MICAL2: variants seen among roughly 807,000 people sequenced by gnomAD.
MICAL2 encodes the protein microtubule associated monooxygenase, calponin and LIM domain containing 2.
Under a neutral mutation model 127.3 loss-of-function variants are expected in MICAL2, and 77 were observed. The observed-to-expected ratio is 0.60, with a 90% CI of 0.50 to 0.73. The LOEUF is 0.73. Ranked by LOEUF, MICAL2 falls within the 30% of genes least tolerant of loss-of-function variation. The pLI, the probability that MICAL2 is intolerant of heterozygous loss-of-function variation, is 0.00. For missense variants in MICAL2, 1,351 were observed against 1,434.4 expected (o/e 0.94, Z 0.94); for synonymous variants, 570 against 551.1 (o/e 1.03, Z -0.48).
intron 14 of MICAL2, 112 bp downstream of exon 14, chr11:12,226,482 T>A (rs746348444): frequency 8.0e-6 from 9 of 1,125,616 alleles, no homozygotes; most frequent in Non-Finnish European, 1.1e-5. Flanking sequence ...CCCAGTGTGT[T>A]CCCCTTGACT....
chr11:12,205,683 C>T (rs185916835), intron 4 of MICAL2, among the ~76,000 whole-genome samples: 108 of 152,284 alleles, frequency 7.1e-4, no homozygotes, highest in African/African-American at 2.6e-3. Flanking sequence ...GTTTTATCTC[C>T]TGTAAAGTGT....
chr11:12,242,177 C>T, intron 18 of MICAL2, 37 bp from the exon 19 acceptor site: 2 of 1,532,182 alleles, frequency 1.3e-6, no homozygotes, highest in Non-Finnish European at 8.9e-7. Flanking sequence ...GAAAGGGCCG[C>T]AGTAGGGAAG....
intron 1 of MICAL2, among the ~76,000 whole-genome samples, chr11:12,131,911 A>G (rs1385786869): frequency 6.6e-6 from 1 of 152,222 alleles, no homozygotes; most frequent in Non-Finnish European, 1.5e-5. Flanking sequence ...GTCCAGGCTC[A>G]TAGTAAATGG....
intron 3 of MICAL2, among the ~76,000 whole-genome samples, chr11:12,172,410 G>A (rs1453688434): frequency 6.6e-6 from 1 of 152,170 alleles, no homozygotes; most frequent in Non-Finnish European, 1.5e-5. Flanking sequence ...GAAAGGAATG[G>A]GGAAGACGAT....
At chr11:12,324,770 A>C (rs1356689555) in intron 31 of MICAL2, among the ~76,000 whole-genome samples, 1 of 152,102 alleles carries the variant, frequency 6.6e-6, no homozygotes, top group Non-Finnish European at 1.5e-5. Context: ...AATCCTATAC[A>C]CTATTTCTGA....
intron 29 of MICAL2, among the ~76,000 whole-genome samples, chr11:12,306,871 C>A (rs11022286): frequency 0.18 from 27,050 of 152,110 alleles, 2,718 homozygotes; most frequent in East Asian, 0.42. Context: ...AGTTGATAGA[C>A]ATGAGATGGG....
chr11:12,244,182 C>T, intron 21 of MICAL2, 70 bp downstream of exon 21: 1 of 1,575,370 alleles, frequency 6.3e-7, no homozygotes, highest in Non-Finnish European at 8.7e-7. Flanking sequence ...CTCCACTTGA[C>T]CTGCACAAAC....
At position 12,226,943 on chromosome 11, in the gene MICAL2, A is replaced by G; in HGVS notation, c.1889-82A>G. The G allele has an allele frequency of 3.6e-6, 4 of 1,107,342 alleles. No individual in the cohort carries two copies. In the South Asian group the frequency reaches 5.1e-5, roughly 14 times the overall value. 68.6% of individuals were successfully genotyped at this position (1,107,342 alleles called of 1,614,324 possible). ...GCTGGGATTACAGGCGTGAGCCACC[A>G]CACCCAGCCAACACCTCCTTGTTAT... On this transcript the variant is annotated intron_variant, in intron 14 of 27. Coordinates refer to ENST00000683283, the MANE Select transcript of MICAL2 (RefSeq NM_001282663.2).
chr11:12,146,961 C>A (rs1456054437), intron 2 of MICAL2, among the ~76,000 whole-genome samples: 1 of 151,778 alleles, frequency 6.6e-6, no homozygotes, highest in Admixed American at 6.6e-5. Context: ...ATTGCAAGGA[C>A]AGAAAACCAA....
intron 32 of MICAL2, among the ~76,000 whole-genome samples, chr11:12,338,346 G>A (rs549549480): frequency 6.6e-6 from 1 of 152,262 alleles, no homozygotes; most frequent in Admixed American, 6.5e-5. Flanking sequence ...GCCTATGTGT[G>A]TCTCTGCACG....
chr11:12,354,913 C>G, intron 34 of MICAL2: 1 of 1,521,958 alleles, frequency 6.6e-7, no homozygotes, highest in Admixed American at 1.8e-5. Flanking sequence ...TCCTGAGCAG[C>G]GTGTGCCACA....
chr11:12,251,359 G>A (rs995343988), intron 22 of MICAL2, among the ~76,000 whole-genome samples: 25 of 152,106 alleles, frequency 1.6e-4, no homozygotes, highest in Non-Finnish European at 4.4e-5. Flanking sequence ...AACCCTTGAT[G>A]CCCAGGGCAA....
intron 12 of MICAL2, among the ~76,000 whole-genome samples, chr11:12,224,047 G>A (rs1009449801): frequency 2.0e-5 from 3 of 152,090 alleles, no homozygotes; most frequent in African/African-American, 7.2e-5. Context: ...GGCAAACTCA[G>A]CTGTACTCCT....
chr11:12,293,719 G>A (rs899913549), downstream of MICAL2: 3 of 1,614,008 alleles, frequency 1.9e-6, no homozygotes, highest in East Asian at 2.2e-5. Flanking sequence ...ACTGCCTGGT[G>A]AGCCCTGGTG....
chr11:12,148,494 ATCAGTGAGGAGGCCCATGGTAGC>A (rs1853204970), intron 2 of MICAL2, among the ~76,000 whole-genome samples: 1 of 151,956 alleles, frequency 6.6e-6, no homozygotes, highest in African/African-American at 2.4e-5. Flanking sequence ...GAAGGGGGAG[ATCAGTGAGGAGGCCCATGGTAGC>A]TCAGGTCAGA....
At chr11:12,345,143 G>A (rs537197716) in intron 32 of MICAL2, among the ~76,000 whole-genome samples, 37 of 150,270 alleles carry the variant, frequency 2.5e-4, no homozygotes, top group Admixed American at 8.5e-4. Flanking sequence ...AAGAAAGAAA[G>A]AAAGAAAGAT....
intron 15 of MICAL2, among the ~76,000 whole-genome samples, chr11:12,231,848 G>C (rs528480255): frequency 1.2e-4 from 18 of 152,360 alleles, no homozygotes; most frequent in African/African-American, 4.3e-4. Flanking sequence ...GCAGGTCATG[G>C]CTGAAGCTAC....
chr11:12,121,525 C>T (rs1298237506), intron 1 of MICAL2: 3 of 152,334 alleles, frequency 2.0e-5, no homozygotes, highest in Non-Finnish European at 2.9e-5. Context: ...CTGAATATCC[C>T]CTTCAAGTGC....
rs367660704 is a variant in MICAL2, at chr11:12,213,328, A to G, written c.765A>G (p.Thr255=). The stretch of plus-strand genomic sequence containing the variant: ...CCAACTTCATAAACAGAAACAGCAC[A>G]GCGGAAGCCAAGGTGGAAGAGATTA... ...ITANFINRNS[T]AEAKVEEISG... The change falls in exon 7 of 28, where the codon ACA becomes ACG. Residue 255 remains threonine, a synonymous_variant. Transcript: ENST00000683283. 235 of 1,614,172 alleles carry G rather than the reference A, an allele frequency of 1.5e-4. 1 individual carries two copies. Among genetic ancestry groups the G allele is most frequent in the Middle Eastern group, 1.3e-3 (8 of 6,060 alleles).
Sources: allele counts gnomAD v4.1 joint callset (sites outside exome capture counted in the v4.1 genomes callset), GRCh38; gene constraint gnomAD v4.1.1; transcripts MANE v1.5; gene names NCBI Gene and HGNC (gene_info 2026-07-23, HGNC 2026-07-21).